IKZF4: variants seen among roughly 807,000 people sequenced by gnomAD.
The protein encoded by IKZF4 is IKAROS family zinc finger 4, also known as zinc finger protein Eos.
Under a neutral mutation model 47.7 loss-of-function variants are expected in IKZF4, and 11 were observed. The ratio of observed to expected loss-of-function variants is 0.23; its 90% CI spans 0.15 to 0.38. The LOEUF is 0.38. Among genes scored for constraint, IKZF4 ranks in the 10% least tolerant of loss-of-function variants. The pLI, the probability that IKZF4 is intolerant of heterozygous loss-of-function variation, is 1.00. For synonymous variants in IKZF4, 298 were observed against 299.4 expected (o/e 1.00, Z 0.05); for missense variants, 557 against 784.9 (o/e 0.71, Z 3.47).
upstream of IKZF4, among the ~76,000 whole-genome samples, chr12:56,017,223 T>TCCCCCTC (rs1892203209): frequency 8.2e-6 from 1 of 122,438 alleles, no homozygotes; most frequent in Non-Finnish European, 1.6e-5. Flanking sequence ...AAATTCAGAC[T>TCCCCCTC]CCCCCCCCGC....
At chr12:56,025,352 G>A (rs1893786892) in intron 3 of IKZF4, among the ~76,000 whole-genome samples, 194 bp downstream of exon 3, 10 of 152,168 alleles carry the variant, frequency 6.6e-5, no homozygotes, top group Admixed American at 6.5e-4. Context: ...GTCAGTCACT[G>A]GCAGACTAGG....
intron 5 of IKZF4, among the ~76,000 whole-genome samples, chr12:56,030,119 T>C (rs192161735): frequency 3.0e-4 from 46 of 152,214 alleles, no homozygotes; most frequent in Admixed American, 1.2e-3. Flanking sequence ...GTTGATCTCA[T>C]AGAAGCACGG....
Position 56,021,422 on chromosome 12 carries a change from C to T in IKZF4, c.-72C>T. ...CCTGCGAAATGACGGCGGTTCCCCTCACTTCCAGGAATCCACGCTTCCTGG... is the reference window on the plus strand; with the variant it reads ...CCTGCGAAATGACGGCGGTTCCCCTTACTTCCAGGAATCCACGCTTCCTGG... On this transcript the variant is annotated 5_prime_UTR_variant, in exon 1 of 8. Transcript: ENST00000547167. The T allele has an allele frequency of 6.4e-7, 1 of 1,551,050 alleles. No individual in the cohort carries two copies.
chr12:56,025,693 G>A (rs551327042), intron 3 of IKZF4, among the ~76,000 whole-genome samples: 1 of 152,266 alleles, frequency 6.6e-6, no homozygotes, highest in South Asian at 2.1e-4. Flanking sequence ...TGGAGGTGGA[G>A]GGGGTAGAGG....
intron 1 of IKZF4, 151 bp downstream of exon 1, chr12:56,021,731 T>TGTGTG: frequency 1.8e-6 from 2 of 1,083,802 alleles, no homozygotes; most frequent in Non-Finnish European, 2.6e-6. Context: ...TGTGTGTGTG[T>TGTGTG]AGCGGGGGAG....
chr12:56,019,835 C>G (rs970726616), upstream of IKZF4, among the ~76,000 whole-genome samples: 1 of 152,246 alleles, frequency 6.6e-6, no homozygotes, highest in African/African-American at 2.4e-5. Context: ...CTGCTTTCAG[C>G]AGATTGGCAT....
chr12:56,030,448 AG>A (rs1894741875), intron 5 of IKZF4, among the ~76,000 whole-genome samples: 1 of 150,220 alleles, frequency 6.7e-6, no homozygotes, highest in Non-Finnish European at 1.5e-5. Context: ...AAAAAAAAAA[AG>A]CCAGGCACGG....
Position 56,036,633 on chromosome 12 carries a change from G to C in IKZF4, c.*1302G>C, listed in dbSNP as rs757709150. ...TTCACCCCATTCCACCCTTGTTCCA[G>C]CAAGACTGGGATGGGTACAACTGAA... is the stretch of plus-strand genomic sequence containing the variant. On this transcript the variant is annotated 3_prime_UTR_variant, in exon 8 of 8. Transcript: ENST00000547167. 1.2e-4 allele frequency: 18 copies of C among 152,208 alleles called. No homozygotes were observed. The highest frequency in any genetic ancestry group is 2.1e-4 in the Non-Finnish European group (14 of 68,052). The allele number at this position is 152,208 out of a possible 1,614,324, so 9.4% of individuals were successfully genotyped here.
Position 56,035,002 on chromosome 12 carries a change from C to T in IKZF4, c.1429C>T (p.Pro477Ser). ...VAGVVSLPQG[P>S]PPQPPPTIVV... ...GGGGGTGGTATCCCTCCCTCAGGGT[C>T]CCCCACCCCAGCCACCTCCCACCAT... is the stretch of plus-strand genomic sequence containing the variant. The change falls in exon 8 of 8, where the codon CCC becomes TCC. Residue 477 changes from proline (P) to serine (S), a missense_variant. Around this residue, in one of 6 missense-constraint regions of IKZF4, gnomAD observed 280 missense variants for 314.0 expected, o/e 0.89. Transcript: ENST00000547167. This position sits in a 1 kb window ranked among gnomAD's most constrained non-coding sequence, Gnocchi z 6.1. 6.4e-7 allele frequency: 1 copy of T among 1,556,104 alleles called. No individual in the cohort carries two copies. The highest frequency in any genetic ancestry group is 8.7e-7 in the Non-Finnish European group (1 of 1,148,948).
At chr12:56,028,034 T>G in intron 5 of IKZF4, 87 bp downstream of exon 5, 2 of 1,369,260 alleles carry the variant, frequency 1.5e-6, no homozygotes, top group South Asian at 1.5e-5. Flanking sequence ...ATTTGGGGAG[T>G]TCCAGTGTCT....
intron 2 of IKZF4, chr12:56,011,561 C>G (rs1891328255): frequency 6.6e-6 from 1 of 152,128 alleles, no homozygotes; most frequent in East Asian, 1.9e-4. Flanking sequence ...TAGAGACTGG[C>G]CATTCCTAGG....
rs754082726 is a variant in IKZF4 at position 56,027,008 on chromosome 12, A to C, written c.514A>C (p.Asn172His). ...CTGCGGCATGGTCTGTATTGGACCC[A>C]ACGTGCTCATGGTGCACAAGCGCAG... ...DVCGMVCIGP[N>H]VLMVHKRSHT... Residue 172 changes from asparagine to histidine, a missense_variant, in exon 4 of 8, where the codon AAC becomes CAC. Asn to His is a moderately conservative substitution (Grantham distance 68, BLOSUM62 1). Around this residue, in one of 6 missense-constraint regions of IKZF4, gnomAD observed 27 missense variants for 85.4 expected, o/e 0.32. Transcript: ENST00000547167. The C allele has an allele frequency of 6.4e-7, 1 of 1,572,466 alleles. No homozygotes were observed. The highest frequency in any genetic ancestry group is 8.6e-7 in the Non-Finnish European group (1 of 1,157,244).
At chr12:56,023,792 G>T in intron 2 of IKZF4, 28 bp downstream of exon 2, 1 of 1,608,084 alleles carries the variant, frequency 6.2e-7, no homozygotes, top group Admixed American at 1.7e-5. Context: ...TGGGCAATTG[G>T]GTAAAGTACT....
intron 1 of IKZF4, among the ~76,000 whole-genome samples, chr12:56,009,635 G>C (rs1891108769): frequency 6.6e-6 from 1 of 152,202 alleles, no homozygotes; most frequent in African/African-American, 2.4e-5. Context: ...GGAGCTTCTG[G>C]GGTGGGCTTC....
intron 1 of IKZF4, among the ~76,000 whole-genome samples, chr12:56,022,833 T>C (rs897335795): frequency 5.2e-4 from 74 of 141,838 alleles, no homozygotes; most frequent in African/African-American, 1.9e-3. Flanking sequence ...GGAGTCTCGC[T>C]CTGTCGCCCA....
Position 56,038,413 on chromosome 12 carries a change from A to G in IKZF4, c.*3082A>G, listed in dbSNP as rs185243736. On this transcript the variant is annotated 3_prime_UTR_variant, in exon 8 of 8. Transcript: ENST00000547167. ...TGTACTGGCTGAAAGTCTGTTATAA[A>G]TAAACATGAGTAATTTAACACCTCT... is the stretch of plus-strand genomic sequence containing the variant. 2.0e-5 allele frequency: 3 copies of G among 152,758 alleles called. No individual in the cohort carries two copies. The highest frequency in any genetic ancestry group is 7.2e-5 in the African/African-American group (3 of 41,576). 9.5% of individuals were successfully genotyped at this position (152,758 alleles called of 1,614,324 possible).
intron 5 of IKZF4, among the ~76,000 whole-genome samples, chr12:56,029,108 T>C (rs1256735416): frequency 6.6e-6 from 1 of 151,808 alleles, no homozygotes; most frequent in East Asian, 1.9e-4. Context: ...CCCTCTCAAA[T>C]TGCAAAAAAG....
intron 2 of IKZF4, among the ~76,000 whole-genome samples, chr12:56,014,778 TCAAAAAAAAAAA>T (rs1486257379): frequency 7.3e-5 from 11 of 150,052 alleles, no homozygotes; most frequent in Admixed American, 1.3e-4. Context: ...AGACTCCGTC[TCAAAAAAAAAAA>T]CAAAAACAAA....
At position 56,021,534 on chromosome 12, in the gene IKZF4, G is replaced by GCGGCC; in HGVS notation, c.42_46dup (p.Arg16ProfsTer40). 1 of 1,609,450 alleles carries GCGGCC rather than the reference G, an allele frequency of 6.2e-7. No individual in the cohort carries two copies. The highest frequency in any genetic ancestry group is 8.5e-7 in the Non-Finnish European group (1 of 1,178,308). On this transcript the variant is annotated frameshift_variant, in exon 1 of 8. Transcript: ENST00000547167. LOFTEE classifies it high-confidence loss of function. ...GCACTCCCTCGCCGTTTCCAAGGCG[G>GCGGCC]CGGCCGCGTTCGCACCCCAGGGTCT... is the stretch of plus-strand genomic sequence containing the variant.
Sources: gnomAD v4.1 joint callset for allele counts (sites outside exome capture counted in the v4.1 genomes callset) on GRCh38, gnomAD v4.1.1 for gene constraint, gnomAD v4.1.1 regional missense constraint, Gnocchi (gnomAD v3.1) non-coding constraint, MANE v1.5 for transcripts, NCBI Gene and HGNC (gene_info 2026-07-23, HGNC 2026-07-21) for gene names.